Variants in LCOR observed in about 807,000 individuals in gnomAD.
LCOR encodes the protein ligand dependent nuclear receptor corepressor.
Under a neutral mutation model 64.4 loss-of-function variants are expected in LCOR, and 14 were observed. That is an observed-to-expected ratio of 0.22 (90% CI 0.14 to 0.34). LCOR has a LOEUF of 0.34. Among genes scored for constraint, LCOR ranks in the 10% least tolerant of loss-of-function variants. The pLI, the probability that LCOR is intolerant of heterozygous loss-of-function variation, is 1.00. For missense variants in LCOR, 1,686 were observed against 1,765.3 expected (o/e 0.96, Z 0.80); for synonymous variants, 643 against 642.5 (o/e 1.00, Z -0.01).
In LCOR at chr10:96,988,338, C is replaced by T. The variant is rs1283904663; in HGVS notation, c.*3204C>T. ...TTCTGTAAGTCACCAGTCACTAGCC[C>T]CTTGGATTCCTTGTTAAAGACTTCT... On this transcript the variant is annotated 3_prime_UTR_variant, in exon 8 of 8. Coordinates refer to ENST00000421806, the MANE Select transcript of LCOR (RefSeq NM_001346516.2). The T allele has an allele frequency of 1.3e-5, 2 of 152,180 alleles. No individual in the cohort carries two copies. The highest frequency in any genetic ancestry group is 4.8e-5 in the African/African-American group (2 of 41,440). 9.4% of individuals were successfully genotyped at this position (152,180 alleles called of 1,614,324 possible). A position where few individuals can be genotyped will look rare whatever the true frequency, so the allele number is the denominator to read the frequency against.
chr10:96,984,777 A>G lies in LCOR; in HGVS notation c.4317A>G (p.Ala1439=). ...TKTPAAKRPA[A]RDRSSQPPKK... is the part of the protein sequence containing the mutation. ...CCCCTGCTGCCAAGAGGCCAGCTGCAAGGGACAGAAGCAGCCAACCCCCCA... is the reference window on the plus strand; with the variant it reads ...CCCCTGCTGCCAAGAGGCCAGCTGCGAGGGACAGAAGCAGCCAACCCCCCA... The change falls in exon 8 of 8, where the codon GCA becomes GCG. Residue 1439 remains alanine, a synonymous_variant. Coordinates refer to ENST00000421806, the MANE Select transcript of LCOR (RefSeq NM_001346516.2). The G allele has an allele frequency of 2.5e-6, 4 of 1,613,696 alleles. No individual in the cohort carries two copies. The highest frequency in any genetic ancestry group is 3.4e-6 in the Non-Finnish European group (4 of 1,179,914).
At chr10:96,957,225 T>A (rs150802666) in intron 7 of LCOR, 16 of 984,776 alleles carry the variant, frequency 1.6e-5, no homozygotes, top group Non-Finnish European at 1.9e-5. Context: ...GTTTTTGGCA[T>A]CCTACATAAT....
chr10:96,879,356 C>T (rs1197030552), intron 2 of LCOR, among the ~76,000 whole-genome samples: 1 of 152,130 alleles, frequency 6.6e-6, no homozygotes, highest in African/African-American at 2.4e-5. Flanking sequence ...TGCAGTGCTG[C>T]TTTCCTTTTT....
intron 2 of LCOR, among the ~76,000 whole-genome samples, chr10:96,863,344 C>T (rs1845920804): frequency 6.6e-6 from 1 of 151,100 alleles, no homozygotes; most frequent in South Asian, 2.1e-4. Flanking sequence ...GCTGGGATTA[C>T]AGGCATGCAC....
chr10:96,975,511 T>C (rs181987670), intron 7 of LCOR, among the ~76,000 whole-genome samples: 7 of 151,800 alleles, frequency 4.6e-5, no homozygotes, highest in Non-Finnish European at 7.4e-5. Context: ...ACTATCTTTG[T>C]TACCTTTATT....
intron 4 of LCOR, among the ~76,000 whole-genome samples, chr10:96,941,192 A>AC (rs1156526327): frequency 0.061 from 4,933 of 81,206 alleles, 151 homozygotes; most frequent in African/African-American, 0.14. Context: ...CGGGGGGCTG[A>AC]CCCCCCCACC....
chr10:96,977,723 G>A (rs1228227935), intron 7 of LCOR, among the ~76,000 whole-genome samples: 1 of 152,098 alleles, frequency 6.6e-6, no homozygotes, highest in Non-Finnish European at 1.5e-5. Flanking sequence ...CCAGGCTGTA[G>A]TACAGTGGCA....
intron 2 of LCOR, among the ~76,000 whole-genome samples, chr10:96,854,437 C>T (rs1461632312): frequency 6.6e-6 from 1 of 152,138 alleles, no homozygotes; most frequent in Non-Finnish European, 1.5e-5. Context: ...AGTGATTCTC[C>T]TGCCTCAGCC....
rs1456232883 is a variant in LCOR at position 96,989,392 on chromosome 10, G to A, written c.*4258G>A. 6.6e-6 allele frequency: 1 copy of A among 152,056 alleles called. No individual in the cohort carries two copies. The allele number at this position is 152,056 out of a possible 1,614,324, so 9.4% of individuals were successfully genotyped here. On this transcript the variant is annotated 3_prime_UTR_variant, in exon 8 of 8. Transcript: ENST00000421806. ...TGAGACTACTTTAGTTGGACTTTTA[G>A]TCCTCTGAATGTCACATTTAGATAT... is the stretch of plus-strand genomic sequence containing the variant.
In LCOR at chr10:96,993,296, T is replaced by C. The variant is rs1285224385; in HGVS notation, c.*8162T>C. On this transcript the variant is annotated 3_prime_UTR_variant, in exon 8 of 8. Coordinates refer to ENST00000421806, the MANE Select transcript of LCOR (RefSeq NM_001346516.2). Reference sequence around the variant, plus strand: ...TCTTACGGCCTCCCTTTGTCTTTTCTAAACAAATGAGGCAGACACTTGAAC... The same window carrying C: ...TCTTACGGCCTCCCTTTGTCTTTTCCAAACAAATGAGGCAGACACTTGAAC... 6.6e-6 allele frequency: 1 copy of C among 152,204 alleles called. No individual in the cohort carries two copies. Among genetic ancestry groups the C allele is most frequent in the Non-Finnish European group, 1.5e-5 (1 of 68,028 alleles). 9.4% of individuals were successfully genotyped at this position (152,204 alleles called of 1,614,324 possible). A position where few individuals can be genotyped will look rare whatever the true frequency, so the allele number is the denominator to read the frequency against.
intron 2 of LCOR, among the ~76,000 whole-genome samples, chr10:96,877,201 T>C (rs913005851): frequency 4.6e-5 from 7 of 151,874 alleles, no homozygotes; most frequent in African/African-American, 1.7e-4. Context: ...CTATATCAAA[T>C]CAACAAAAAT....
intron 2 of LCOR, among the ~76,000 whole-genome samples, chr10:96,877,734 T>C (rs1175369911): frequency 6.6e-6 from 1 of 151,024 alleles, no homozygotes; most frequent in African/African-American, 2.4e-5. Flanking sequence ...GCCTCAGCCT[T>C]TTGAGTAGCT....
intron 2 of LCOR, among the ~76,000 whole-genome samples, chr10:96,843,421 C>G (rs1402536552): frequency 1.3e-5 from 2 of 152,186 alleles, no homozygotes; most frequent in African/African-American, 4.8e-5. Context: ...GCATAAGTGT[C>G]TTTGGCCCAA....
chr10:96,870,210 C>T (rs1331724849), intron 2 of LCOR, among the ~76,000 whole-genome samples: 4 of 151,792 alleles, frequency 2.6e-5, no homozygotes, highest in Admixed American at 2.0e-4. Context: ...TTTGTAGAGA[C>T]GGGGTTTCAC....
chr10:96,873,337 T>C (rs561813649), intron 2 of LCOR, among the ~76,000 whole-genome samples: 3 of 152,294 alleles, frequency 2.0e-5, no homozygotes, highest in South Asian at 4.1e-4. Flanking sequence ...CTTTCCATTT[T>C]AGACAGTGGT....
At chr10:96,836,695 G>A (rs1845447672) in intron 2 of LCOR, among the ~76,000 whole-genome samples, 1 of 152,334 alleles carries the variant, frequency 6.6e-6, no homozygotes, top group South Asian at 2.1e-4. Context: ...GAAGGTGGTG[G>A]ATTTTTGCTT....
rs1219999791 is a variant in LCOR, at chr10:96,992,370, G to T, written c.*7236G>T. The T allele has an allele frequency of 6.6e-6, 1 of 152,176 alleles. No individual in the cohort carries two copies. 9.4% of individuals were successfully genotyped at this position (152,176 alleles called of 1,614,324 possible). On this transcript the variant is annotated 3_prime_UTR_variant, in exon 8 of 8. Transcript: ENST00000421806. ...AACTGTCAAAAGGGCTTTCCAAAAA[G>T]TGTTCTTTCTAGCCACCCATCCTCC...
chr10:96,867,030 A>G (rs1411613933), intron 2 of LCOR, among the ~76,000 whole-genome samples: 2 of 152,036 alleles, frequency 1.3e-5, no homozygotes, highest in Non-Finnish European at 2.9e-5. Flanking sequence ...CTCATTGCCC[A>G]GGCTGGGGTG....
intron 4 of LCOR, among the ~76,000 whole-genome samples, chr10:96,912,905 A>G (rs1589650992): frequency 1.3e-5 from 2 of 152,202 alleles, no homozygotes; most frequent in East Asian, 1.9e-4. Flanking sequence ...TTGTTTTAAT[A>G]TATCAGTACG....
Sources: gnomAD v4.1 joint callset for allele counts (sites outside exome capture counted in the v4.1 genomes callset) on GRCh38, gnomAD v4.1.1 for gene constraint, MANE v1.5 for transcripts, NCBI Gene and HGNC (gene_info 2026-07-23, HGNC 2026-07-21) for gene names.